Variants in MED23 observed in about 807,000 individuals in gnomAD.
MED23 encodes mediator complex subunit 23.
Under a neutral mutation model 163.9 loss-of-function variants are expected in MED23, and 105 were observed. That is an observed-to-expected ratio of 0.64 (90% CI 0.55 to 0.75). MED23 has a LOEUF of 0.75. Among genes scored for constraint, MED23 ranks in the 30% least tolerant of loss-of-function variants. The pLI is 0.00. For synonymous variants in MED23, 561 were observed against 565.6 expected (o/e 0.99, Z 0.12); for missense variants, 1,054 against 1,649.0 (o/e 0.64, Z 6.25).
At chr6:131,612,403 A>C (rs916551532) in intron 10 of MED23, among the ~76,000 whole-genome samples, 1 of 152,090 alleles carries the variant, frequency 6.6e-6, no homozygotes, top group Admixed American at 6.5e-5. Flanking sequence ...ACTCTCTACT[A>C]CATAGCAGAT....
In MED23 at chr6:131,628,166, G is replaced by T; in HGVS notation, c.-117C>A. The T allele has an allele frequency of 8.3e-7, 1 of 1,201,052 alleles. No homozygotes were observed. Among genetic ancestry groups the T allele is most frequent in the Non-Finnish European group, 1.2e-6 (1 of 817,486 alleles). 74.4% of individuals were successfully genotyped at this position (1,201,052 alleles called of 1,614,324 possible). On this transcript the variant is annotated 5_prime_UTR_variant, in exon 1 of 29. Coordinates refer to ENST00000368068, the MANE Select transcript of MED23 (RefSeq NM_004830.4). ...CTGGAGGAAACCGTAGCTCCTCGGC[G>T]TCGCTTCCTCCCCCAGCGCTTTACC...
chr6:131,624,656 G>A (rs1188781961), intron 4 of MED23, among the ~76,000 whole-genome samples: 1 of 152,214 alleles, frequency 6.6e-6, no homozygotes, highest in Non-Finnish European at 1.5e-5. Context: ...CCCCTGGGCA[G>A]AAACATCTGG....
downstream of MED23, chr6:131,583,335 C>T: frequency 6.2e-7 from 1 of 1,614,030 alleles, no homozygotes; most frequent in Non-Finnish European, 8.5e-7. Flanking sequence ...AAACTGAAAT[C>T]CTTTCCCACT....
rs191964803 is a variant in MED23 at position 131,579,849 on chromosome 6, T to C, written c.4096-5554A>G. 4.0e-3 allele frequency among the ~76,000 whole-genome samples: 610 copies of C among 151,360 alleles called. 8 individuals are homozygous for C. The highest frequency in any genetic ancestry group is 0.027 in the Admixed American group (404 of 15,232). ...TTTAACGTGTGTGTGTGTGTGTATG[T>C]GTGTGTGTGAGAGAGAGAGAGAGAG... is the stretch of plus-strand genomic sequence containing the variant. On this transcript the variant is annotated intron_variant, in intron 30 of 30. Coordinates refer to the MED23 transcript ENST00000354577.
At chr6:131,609,828 C>CTGGT (rs1433739556) in intron 11 of MED23, among the ~76,000 whole-genome samples, 1 of 150,812 alleles carries the variant, frequency 6.6e-6, no homozygotes, top group African/African-American at 2.4e-5. Flanking sequence ...CTTGTATCTG[C>CTGGT]TGGTGCCTGC....
rs773757521 is a variant in MED23 at position 131,594,273 on chromosome 6, C to T, written c.3058G>A (p.Ala1020Thr). The part of the protein sequence containing the change: ...HYYEMHLRDR[A>T]FLKRKLVHAI... The stretch of plus-strand genomic sequence containing the variant: ...TGGACGAGTTTTCGTTTGAGAAATG[C>T]GCGGTCTCTCAGGTGCATTTCATAA... Residue 1020 changes from alanine to threonine, a missense_variant, in exon 23 of 29, where the codon GCA (alanine) becomes ACA (threonine). Physicochemically the swap from Ala to Thr is moderately conservative, Grantham distance 58. Transcript: ENST00000368068. 31 of 1,613,942 alleles carry T rather than the reference C, an allele frequency of 1.9e-5. No individual in the cohort carries two copies. The highest frequency in any genetic ancestry group is 9.3e-5 in the African/African-American group (7 of 74,874).
chr6:131,594,178 G>T lies in MED23; in HGVS notation c.3153C>A (p.Cys1051Ter). The T allele has an allele frequency of 1.2e-6, 2 of 1,614,078 alleles. No individual in the cohort carries two copies. Among genetic ancestry groups the T allele is most frequent in the Non-Finnish European group, 1.7e-6 (2 of 1,180,020 alleles). The change falls in exon 23 of 29, where the codon TGC (cysteine) becomes TGA (stop). Residue 1051 changes from cysteine to a stop codon, truncating the protein, a stop_gained. Coordinates refer to ENST00000368068, the MANE Select transcript of MED23 (RefSeq NM_004830.4). LOFTEE classifies it high-confidence loss of function. ...GWCLSDTYLKCAMNAREENPW... is the reference protein window; with the variant it reads ...GWCLSDTYLK ...GATTTTCCTCTCGTGCATTCATAGC[G>T]CATTTCAGGTAAGTGTCACTTAGAC...
chr6:131,579,057 G>T, intron 30 of MED23: 1 of 1,589,674 alleles, frequency 6.3e-7, no homozygotes, highest in South Asian at 1.1e-5. Context: ...ATCCTACACA[G>T]ACTGATTTAT....
chr6:131,590,500 T>C, intron 26 of MED23, 58 bp from the exon 27 acceptor site: 3 of 1,314,722 alleles, frequency 2.3e-6, no homozygotes, highest in South Asian at 2.4e-5. Flanking sequence ...TGTTTGAATT[T>C]TGTTCATACA....
intron 9 of MED23, among the ~76,000 whole-genome samples, chr6:131,617,591 G>A (rs1049549871): frequency 6.6e-6 from 1 of 151,968 alleles, no homozygotes; most frequent in Non-Finnish European, 1.5e-5. Context: ...TGGGAAAGGG[G>A]TCTGAGTACA....
In MED23 at chr6:131,598,933, C is replaced by T. The variant is rs1479454973; in HGVS notation, c.2221-172G>A. Reference sequence around the variant, plus strand: ...GTGTCTGGAAAATACATAAGCTTGACTAGATTATCTCCAAGATTCCTTTTC... The same window carrying T: ...GTGTCTGGAAAATACATAAGCTTGATTAGATTATCTCCAAGATTCCTTTTC... On this transcript the variant is annotated intron_variant, in intron 18 of 28. Coordinates refer to ENST00000368068, the MANE Select transcript of MED23 (RefSeq NM_004830.4). The surrounding 1 kb of genome is among the most constrained non-coding windows in gnomAD (Gnocchi z 4.7). Among the ~76,000 whole-genome samples, 1 of 152,168 alleles carries T rather than the reference C, an allele frequency of 6.6e-6. No homozygotes were observed. The highest frequency in any genetic ancestry group is 2.4e-5 in the African/African-American group (1 of 41,424).
rs1302087941 is a variant in MED23, at chr6:131,600,050, T to C, written c.2208A>G (p.Pro736=). 3 of 1,614,068 alleles carry C rather than the reference T, an allele frequency of 1.9e-6. No individual in the cohort carries two copies. Among genetic ancestry groups the C allele is most frequent in the Non-Finnish European group, 2.5e-6 (3 of 1,179,972 alleles). ...AAGACCAAATTACCTGTAGTGGGCC[T>C]GGAAAACAGCTCAGGGTGTGTGAAG... ...NWASHTLSCF[P]GPLQAFFKQN... Residue 736 remains proline (P), a synonymous_variant, in exon 18 of 29, where the codon CCA becomes CCG. Coordinates refer to ENST00000368068, the MANE Select transcript of MED23 (RefSeq NM_004830.4).
At position 131,625,391 on chromosome 6, in the gene MED23, G is replaced by A. The variant is rs551118905; in HGVS notation, c.160-402C>T. Among the ~76,000 whole-genome samples the A allele has an allele frequency of 2.0e-5, 3 of 152,248 alleles. No homozygotes were observed. The South Asian group carries it at 6.2e-4, about 32-fold the overall frequency. ...ATGGATCAGTATGTATCAGGCTTAG[G>A]AGAATTAGGTGTGAATCCAATCCCT... On this transcript the variant is annotated intron_variant, in intron 3 of 28. Transcript: ENST00000368068.
rs1458851104 is a variant in MED23 at position 131,600,027 on chromosome 6, G to A, written c.2220+11C>T. On this transcript the variant is annotated intron_variant, in intron 18 of 28. Coordinates refer to ENST00000368068, the MANE Select transcript of MED23 (RefSeq NM_004830.4). ...CATGTGCATTCAATAAGTAATTCAA[G>A]ACCAAATTACCTGTAGTGGGCCTGG... is the stretch of plus-strand genomic sequence containing the variant. The A allele has an allele frequency of 6.2e-7, 1 of 1,613,862 alleles. No individual in the cohort carries two copies. Among genetic ancestry groups the A allele is most frequent in the African/African-American group, 1.3e-5 (1 of 75,036 alleles).
At chr6:131,615,123 C>T (rs1429033129) in intron 10 of MED23, among the ~76,000 whole-genome samples, 1 of 139,862 alleles carries the variant, frequency 7.1e-6, no homozygotes, top group Non-Finnish European at 1.6e-5. Context: ...ATAACAAACA[C>T]CAAAAAAACA....
rs557737755 is a variant in MED23, at chr6:131,587,287, G to A, written c.*392C>T. 2.3e-4 allele frequency: 247 copies of A among 1,052,718 alleles called. 2 individuals are homozygous for A. The South Asian group carries it at 2.7e-3, about 12-fold the overall frequency. 65.2% of individuals were successfully genotyped at this position (1,052,718 alleles called of 1,614,324 possible). On this transcript the variant is annotated 3_prime_UTR_variant, in exon 29 of 29. Transcript: ENST00000368068. ...TATTTGTAATAACTGTTTTACATGT[G>A]TGGTGCCTTTAAAATAATATATCTG...
chr6:131,604,536 G>A (rs986388424), intron 14 of MED23, among the ~76,000 whole-genome samples: 15 of 151,992 alleles, frequency 9.9e-5, no homozygotes, highest in African/African-American at 2.4e-4. Flanking sequence ...ATATGCATAC[G>A]GATCCCCCTG....
intron 9 of MED23, among the ~76,000 whole-genome samples, chr6:131,616,242 A>G (rs144624306): frequency 4.1e-4 from 63 of 152,282 alleles, no homozygotes; most frequent in African/African-American, 1.5e-3. Flanking sequence ...GAGGGTAACA[A>G]TAAAGATAAC....
chr6:131,575,277 G>C (rs371988696), intron 30 of MED23, among the ~76,000 whole-genome samples: 2 of 152,132 alleles, frequency 1.3e-5, no homozygotes, highest in South Asian at 2.1e-4. Context: ...CTATATGTCA[G>C]CTCTACACTA....
Sources: gnomAD v4.1 joint callset for allele counts (sites outside exome capture counted in the v4.1 genomes callset) on GRCh38, gnomAD v4.1.1 for gene constraint, Gnocchi (gnomAD v3.1) non-coding constraint, MANE v1.5 for transcripts, NCBI Gene and HGNC (gene_info 2026-07-23, HGNC 2026-07-21) for gene names.